WWOX: variants seen among roughly 807,000 people sequenced by gnomAD.
The protein encoded by WWOX is WW domain-containing oxidoreductase.
WWOX carries 69 observed loss-of-function variants against 46.2 expected under a neutral mutation model. The observed-to-expected ratio is 1.49, with a 90% CI of 1.23 to 1.82. WWOX has a LOEUF of 1.82. Among genes scored for constraint, WWOX ranks in the 40% most tolerant of loss-of-function variants. The pLI is 0.00. For synonymous variants in WWOX, 359 were observed against 202.6 expected (o/e 1.77, Z -6.56); for missense variants, 919 against 542.6 (o/e 1.69, Z -6.89).
At chr16:79,065,030 T>C (rs1567525455) in intron 8 of WWOX, among the ~76,000 whole-genome samples, 3 of 152,196 alleles carry the variant, frequency 2.0e-5, no homozygotes. Flanking sequence ...GTCGGTTGTT[T>C]AGGGAAGCAC....
intron 8 of WWOX, chr16:79,004,366 A>G (rs981549956): frequency 6.6e-6 from 1 of 152,234 alleles, no homozygotes; most frequent in Non-Finnish European, 1.5e-5. Context: ...CATGGCTGCC[A>G]GGAGGACTTG....
chr16:78,726,488 C>A (rs1325072684), intron 8 of WWOX, among the ~76,000 whole-genome samples: 1 of 152,086 alleles, frequency 6.6e-6, no homozygotes, highest in South Asian at 2.1e-4. Flanking sequence ...CCTCCCTCAG[C>A]CTTCCAAAGT....
chr16:79,115,242 T>A (rs532268364), intron 8 of WWOX, among the ~76,000 whole-genome samples: 2 of 152,260 alleles, frequency 1.3e-5, no homozygotes, highest in African/African-American at 4.8e-5. Context: ...TCTCTAACAA[T>A]CAATGGAAAC....
intron 8 of WWOX, chr16:79,106,778 C>A (rs573629159): frequency 6.7e-6 from 1 of 148,970 alleles, no homozygotes; most frequent in South Asian, 2.1e-4. Context: ...GCCACCATAC[C>A]CAGATAATTT....
At chr16:78,412,112 T>A (rs1345682521) in intron 6 of WWOX, among the ~76,000 whole-genome samples, 5 of 151,964 alleles carry the variant, frequency 3.3e-5, no homozygotes, top group Non-Finnish European at 5.9e-5. Context: ...TGTGGAGAAG[T>A]AGGGGATGGC....
chr16:78,747,100 T>G (rs1364849687), intron 8 of WWOX, among the ~76,000 whole-genome samples: 1 of 152,124 alleles, frequency 6.6e-6, no homozygotes, highest in African/African-American at 2.4e-5. Context: ...TTTCTTTTCC[T>G]GGGACCCACA....
At chr16:78,667,937 C>G (rs956456411) in intron 8 of WWOX, among the ~76,000 whole-genome samples, 7 of 152,136 alleles carry the variant, frequency 4.6e-5, no homozygotes, top group Non-Finnish European at 1.0e-4. Context: ...ACATCACACT[C>G]TGTGCTGCTC....
chr16:78,824,964 A>G (rs540337314), intron 8 of WWOX, among the ~76,000 whole-genome samples: 13 of 152,280 alleles, frequency 8.5e-5, no homozygotes, highest in African/African-American at 3.1e-4. Context: ...CCTGGTAGTA[A>G]TAGTAACAGT....
chr16:78,180,048 G>A (rs994380890), intron 5 of WWOX, among the ~76,000 whole-genome samples: 13 of 152,194 alleles, frequency 8.5e-5, no homozygotes, highest in Admixed American at 6.5e-4. Context: ...CCTAAGTACT[G>A]AGCTGTGTGA....
At chr16:78,694,091 G>T (rs562843694) in intron 8 of WWOX, among the ~76,000 whole-genome samples, 1 of 152,160 alleles carries the variant, frequency 6.6e-6, no homozygotes, top group South Asian at 2.1e-4. Flanking sequence ...AATTACCTAG[G>T]CGTGGTAGTG....
intron 8 of WWOX, among the ~76,000 whole-genome samples, chr16:78,463,808 G>C (rs903621133): frequency 4.6e-5 from 7 of 152,182 alleles, no homozygotes; most frequent in African/African-American, 1.7e-4. Context: ...GTTTAAAGAA[G>C]TGTTTTATGA....
intron 8 of WWOX, among the ~76,000 whole-genome samples, chr16:78,576,697 T>C (rs1247929039): frequency 1.3e-5 from 2 of 152,150 alleles, no homozygotes; most frequent in Non-Finnish European, 2.9e-5. Context: ...CTGGGCATGA[T>C]GGCTCATAGG....
intron 8 of WWOX, among the ~76,000 whole-genome samples, chr16:78,987,566 G>A (rs1326493745): frequency 1.3e-5 from 2 of 152,144 alleles, no homozygotes; most frequent in South Asian, 4.2e-4. Flanking sequence ...AAAATATGTG[G>A]GTTGAGAAAA....
chr16:78,118,755 T>C (rs2032943991), intron 4 of WWOX, among the ~76,000 whole-genome samples: 1 of 152,172 alleles, frequency 6.6e-6, no homozygotes, highest in African/African-American at 2.4e-5. Context: ...CACCCTAACA[T>C]TCTCTAAATT....
chr16:78,893,345 C>T (rs904863775), intron 8 of WWOX, among the ~76,000 whole-genome samples: 3 of 152,154 alleles, frequency 2.0e-5, no homozygotes, highest in Non-Finnish European at 4.4e-5. Context: ...TCCCCTCTCA[C>T]ATGGTTTGAA....
At chr16:78,708,486 T>C (rs2048372432) in intron 8 of WWOX, among the ~76,000 whole-genome samples, 1 of 152,182 alleles carries the variant, frequency 6.6e-6, no homozygotes. Flanking sequence ...CCTTGGGAAA[T>C]GACTCTGTAT....
intron 8 of WWOX, among the ~76,000 whole-genome samples, chr16:79,036,728 G>T (rs1447622075): frequency 6.6e-6 from 1 of 152,218 alleles, no homozygotes; most frequent in African/African-American, 2.4e-5. Flanking sequence ...GATGTCTGCA[G>T]TGAGCGAAGG....
intron 6 of WWOX, among the ~76,000 whole-genome samples, chr16:78,414,894 C>T (rs528491473): frequency 6.6e-6 from 1 of 152,016 alleles, no homozygotes; most frequent in African/African-American, 2.4e-5. Context: ...AATCTAGACC[C>T]CAAGAGAGAG....
chr16:78,443,602 A>G (rs1199289611), intron 8 of WWOX, among the ~76,000 whole-genome samples: 1 of 152,164 alleles, frequency 6.6e-6, no homozygotes, highest in Non-Finnish European at 1.5e-5. Context: ...TTGTTCCTGA[A>G]TGAGCACCCG....
Sources: gnomAD v4.1 joint callset for allele counts (sites outside exome capture counted in the v4.1 genomes callset) on GRCh38, gnomAD v4.1.1 for gene constraint, MANE v1.5 for transcripts, NCBI Gene and HGNC (gene_info 2026-07-23, HGNC 2026-07-21) for gene names.